The following TRAPPC9 variants were observed in gnomAD, a reference collection of about 807,000 sequenced individuals.
The protein encoded by TRAPPC9 is IKK2 binding protein.
TRAPPC9 carries 83 observed loss-of-function variants against 124.0 expected under a neutral mutation model. The observed-to-expected ratio is 0.67, with a 90% CI of 0.56 to 0.80. TRAPPC9 has a LOEUF of 0.80. Among genes scored for constraint, TRAPPC9 ranks in the 30% least tolerant of loss-of-function variants. The pLI is 0.00. For missense variants in TRAPPC9, 1,302 were observed against 1,508.3 expected (o/e 0.86, Z 2.27); for synonymous variants, 638 against 617.5 (o/e 1.03, Z -0.49).
intron 2 of TRAPPC9, among the ~76,000 whole-genome samples, chr8:140,439,908 C>T (rs2070948041): frequency 6.6e-6 from 1 of 151,918 alleles, no homozygotes; most frequent in Non-Finnish European, 1.5e-5. Flanking sequence ...TTTCCCTCAT[C>T]AAGAAAGCAA....
intron 20 of TRAPPC9, among the ~76,000 whole-genome samples, chr8:139,909,166 T>C (rs992896301): frequency 8.5e-5 from 13 of 152,120 alleles, no homozygotes; most frequent in African/African-American, 2.9e-4. Flanking sequence ...GAGCAACGTG[T>C]GTATCCCCAT....
chr8:140,054,640 C>G (rs1228941291), intron 17 of TRAPPC9, among the ~76,000 whole-genome samples: 3 of 152,030 alleles, frequency 2.0e-5, no homozygotes, highest in Middle Eastern at 3.2e-3. Flanking sequence ...AATTGACAAG[C>G]CTTTAGTGGG....
chr8:140,248,423 C>T (rs941932823), intron 16 of TRAPPC9, among the ~76,000 whole-genome samples: 3 of 152,228 alleles, frequency 2.0e-5, no homozygotes, highest in Admixed American at 2.0e-4. Flanking sequence ...CCAATGAGTA[C>T]CTGCTGGCTG....
At chr8:139,997,688 T>C (rs557929764) in intron 18 of TRAPPC9, among the ~76,000 whole-genome samples, 2 of 88,662 alleles carry the variant, frequency 2.3e-5, no homozygotes, top group African/African-American at 6.4e-5. Flanking sequence ...GGGGAGACAA[T>C]GCATCCTACA....
At chr8:140,327,879 T>C (rs2066781498) in intron 9 of TRAPPC9, among the ~76,000 whole-genome samples, 1 of 152,238 alleles carries the variant, frequency 6.6e-6, no homozygotes, top group Non-Finnish European at 1.5e-5. Flanking sequence ...TCAATACCAC[T>C]GAATTTTACG....
intron 19 of TRAPPC9, among the ~76,000 whole-genome samples, chr8:139,953,482 ACT>A (rs973025636): frequency 7.9e-5 from 12 of 152,190 alleles, no homozygotes; most frequent in Admixed American, 2.0e-4. Flanking sequence ...ACAGAGCAAG[ACT>A]CTGTCTCAAA....
rs1025380070 is a variant in TRAPPC9, at chr8:139,830,370, CACAT to C, written c.3055+55505_3055+55508del. ...CGCAATTACACATGCATACACGCTA[CACAT>C]ACACACACATGCATACACATGCAAA... is the stretch of plus-strand genomic sequence containing the variant. On this transcript the variant is annotated intron_variant, in intron 21 of 22. Transcript: ENST00000438773. Among the ~76,000 whole-genome samples the C allele has an allele frequency of 1.1e-4, 17 of 151,742 alleles. No homozygotes were observed. The Middle Eastern group carries it at 0.01, about 92-fold the overall frequency.
chr8:140,327,401 C>G (rs553498365), intron 9 of TRAPPC9, among the ~76,000 whole-genome samples: 1 of 152,286 alleles, frequency 6.6e-6, no homozygotes, highest in Non-Finnish European at 1.5e-5. Flanking sequence ...CAATTCCACT[C>G]CCACTACATA....
chr8:139,764,702 C>A (rs1158633654), intron 21 of TRAPPC9, among the ~76,000 whole-genome samples: 1 of 152,108 alleles, frequency 6.6e-6, no homozygotes, highest in Admixed American at 6.5e-5. Flanking sequence ...GCGTCCCTGT[C>A]CTGGTGTGTA....
At chr8:140,362,930 A>C (rs1226635089) in intron 8 of TRAPPC9, among the ~76,000 whole-genome samples, 1 of 152,244 alleles carries the variant, frequency 6.6e-6, no homozygotes, top group Non-Finnish European at 1.5e-5. Context: ...ACATTTTCTT[A>C]ACAGTAAATA....
intron 12 of TRAPPC9, among the ~76,000 whole-genome samples, 177 bp downstream of exon 12, chr8:140,290,816 A>C (rs1347143744): frequency 6.6e-6 from 1 of 152,250 alleles, no homozygotes; most frequent in East Asian, 1.9e-4. Context: ...ACCAAGCCTA[A>C]AGACACAGGA....
chr8:140,443,802 C>T (rs549459508), intron 2 of TRAPPC9, among the ~76,000 whole-genome samples: 10 of 148,364 alleles, frequency 6.7e-5, no homozygotes, highest in African/African-American at 1.7e-4. Context: ...TCTGGGAGGC[C>T]GAGGCGGGCA....
Position 139,904,597 on chromosome 8 carries a change from T to C in TRAPPC9, c.2964+5550A>G, listed in dbSNP as rs980058518. 22 of 152,286 alleles carry C rather than the reference T, an allele frequency of 1.4e-4. 1 individual carries two copies. The highest frequency in any genetic ancestry group is 1.4e-3 in the Admixed American group (22 of 15,286). 9.4% of individuals were successfully genotyped at this position (152,286 alleles called of 1,614,324 possible). On this transcript the variant is annotated intron_variant, in intron 20 of 22. Transcript: ENST00000438773. Reference sequence around the variant, plus strand: ...ATAACAAGTTTTGGGATCCTGACTATGCCTCTAGTTGCACAATCTCTGGTG... The same window carrying C: ...ATAACAAGTTTTGGGATCCTGACTACGCCTCTAGTTGCACAATCTCTGGTG...
intron 19 of TRAPPC9, among the ~76,000 whole-genome samples, chr8:139,972,448 A>T (rs1248663946): frequency 6.6e-6 from 1 of 152,202 alleles, no homozygotes; most frequent in African/African-American, 2.4e-5. Flanking sequence ...GGAGTACAGG[A>T]AAACACAGAA....
At chr8:140,193,307 A>G (rs1231820417) in intron 17 of TRAPPC9, among the ~76,000 whole-genome samples, 1 of 152,220 alleles carries the variant, frequency 6.6e-6, no homozygotes, top group Admixed American at 6.5e-5. Context: ...ACACACTTAG[A>G]ACTAAGGCCT....
chr8:139,976,635 C>T (rs1484158511), intron 19 of TRAPPC9, among the ~76,000 whole-genome samples: 38 of 152,206 alleles, frequency 2.5e-4, no homozygotes, highest in Admixed American at 2.4e-3. Context: ...CTGCGCACGG[C>T]TCGTGAGGAG....
intron 15 of TRAPPC9, among the ~76,000 whole-genome samples, chr8:140,259,703 C>T (rs2064354760): frequency 6.6e-6 from 1 of 152,198 alleles, no homozygotes; most frequent in African/African-American, 2.4e-5. Context: ...TCTTCACAAC[C>T]CTTTATCAGA....
chr8:139,929,063 T>C (rs980220352), intron 19 of TRAPPC9, among the ~76,000 whole-genome samples: 32 of 152,292 alleles, frequency 2.1e-4, no homozygotes, highest in Admixed American at 2.0e-3. Context: ...GGAAAATCTA[T>C]GACTAGCAAA....
rs1821385273 is a variant in TRAPPC9 at position 139,776,409 on chromosome 8, G to A, written c.3056-44207C>T. ...CCCAAAGAGAGGTCACAACGAATTG[G>A]GAAGGATGGGGTGGCACCAGGGTGA... On this transcript the variant is annotated intron_variant, in intron 21 of 22. Coordinates refer to ENST00000438773, the MANE Select transcript of TRAPPC9 (RefSeq NM_001160372.4). This position sits in a 1 kb window ranked among gnomAD's most constrained non-coding sequence, Gnocchi z 4.1. 6.6e-6 allele frequency among the ~76,000 whole-genome samples: 1 copy of A among 152,246 alleles called. No homozygotes were observed. Among genetic ancestry groups the A allele is most frequent in the African/African-American group, 2.4e-5 (1 of 41,466 alleles).
Sources: allele counts gnomAD v4.1 joint callset (sites outside exome capture counted in the v4.1 genomes callset), GRCh38; gene constraint gnomAD v4.1.1; non-coding constraint Gnocchi (gnomAD v3.1); transcripts MANE v1.5; gene names NCBI Gene and HGNC (gene_info 2026-07-23, HGNC 2026-07-21).